The following MDGA2 variants were observed in gnomAD, a reference collection of about 807,000 sequenced individuals.
The protein encoded by MDGA2 is MAM domain-containing glycosylphosphatidylinositol anchor protein 2.
In MDGA2, 40 loss-of-function variants were observed where a neutral mutation model predicts 117.8. That is an observed-to-expected ratio of 0.34 (90% CI 0.26 to 0.44). MDGA2 has a LOEUF of 0.44. Ranked by LOEUF, MDGA2 falls within the 20% of genes least tolerant of loss-of-function variation. The pLI, the probability that MDGA2 is intolerant of heterozygous loss-of-function variation, is 1.00. For synonymous variants in MDGA2, 452 were observed against 439.0 expected (o/e 1.03, Z -0.37); for missense variants, 1,123 against 1,250.6 (o/e 0.90, Z 1.54).
intron 1 of MDGA2, among the ~76,000 whole-genome samples, chr14:47,665,480 G>A (rs532521268): frequency 5.9e-4 from 90 of 152,282 alleles, no homozygotes; most frequent in African/African-American, 1.7e-3. Flanking sequence ...GCCCTTCTCC[G>A]GGCTGGCTGA....
chr14:46,935,263 G>T (rs1884737389), intron 9 of MDGA2, among the ~76,000 whole-genome samples: 1 of 152,014 alleles, frequency 6.6e-6, no homozygotes, highest in Non-Finnish European at 1.5e-5. Flanking sequence ...GTGCACCTTT[G>T]TTACAAATCT....
intron 8 of MDGA2, among the ~76,000 whole-genome samples, chr14:46,993,993 T>C (rs546117787): frequency 1.4e-4 from 21 of 152,198 alleles, no homozygotes; most frequent in African/African-American, 4.8e-4. Context: ...AGAAGAACCA[T>C]CCATGTGATT....
At chr14:47,038,541 A>G (rs1888941329) in intron 7 of MDGA2, among the ~76,000 whole-genome samples, 1 of 152,176 alleles carries the variant, frequency 6.6e-6, no homozygotes, top group South Asian at 2.1e-4. Flanking sequence ...TTACAGAAAT[A>G]TAAACCTCAA....
chr14:47,083,429 T>C (rs1044974468), intron 6 of MDGA2, among the ~76,000 whole-genome samples: 1 of 151,840 alleles, frequency 6.6e-6, no homozygotes, highest in Non-Finnish European at 1.5e-5. Flanking sequence ...GCAATTATAC[T>C]TAGTGAAAGG....
intron 2 of MDGA2, among the ~76,000 whole-genome samples, chr14:47,253,783 C>T (rs1039644678): frequency 1.3e-5 from 2 of 152,260 alleles, no homozygotes; most frequent in Non-Finnish European, 2.9e-5. Context: ...CCACATTTCC[C>T]TTCCACACTG....
chr14:47,075,385 C>T (rs930184725), intron 6 of MDGA2, among the ~76,000 whole-genome samples: 1 of 152,156 alleles, frequency 6.6e-6, no homozygotes, highest in East Asian at 1.9e-4. Flanking sequence ...GATACAACAC[C>T]TGTAAAGCTT....
chr14:47,144,810 G>A (rs4900731), intron 3 of MDGA2, among the ~76,000 whole-genome samples: 44,103 of 118,580 alleles, frequency 0.37, 7,192 homozygotes, highest in South Asian at 0.55. Context: ...TACCATGCCC[G>A]GCTAATTTTT....
intron 1 of MDGA2, among the ~76,000 whole-genome samples, chr14:47,483,381 CACAA>C (rs1210126594): frequency 3.9e-5 from 6 of 152,108 alleles, no homozygotes; most frequent in African/African-American, 1.4e-4. Flanking sequence ...TTCAAAGAGA[CACAA>C]ACAATCATCA....
intron 1 of MDGA2, among the ~76,000 whole-genome samples, chr14:47,468,255 TA>T (rs1736996453): frequency 6.6e-6 from 1 of 152,108 alleles, no homozygotes; most frequent in African/African-American, 2.4e-5. Context: ...TCCGTAATCG[TA>T]AAAAATGTCT....
intron 1 of MDGA2, among the ~76,000 whole-genome samples, chr14:47,328,060 C>T (rs1363439957): frequency 6.6e-6 from 1 of 152,100 alleles, no homozygotes; most frequent in Non-Finnish European, 1.5e-5. Flanking sequence ...TTGTGAGAAA[C>T]AAACAGAAAC....
chr14:47,480,693 C>T (rs1238418266), intron 1 of MDGA2, among the ~76,000 whole-genome samples: 1 of 151,568 alleles, frequency 6.6e-6, no homozygotes, highest in East Asian at 1.9e-4. Context: ...TAAACTTAGT[C>T]CACCAGAAGT....
chr14:47,018,029 A>G (rs914837108), intron 8 of MDGA2, among the ~76,000 whole-genome samples: 36 of 152,148 alleles, frequency 2.4e-4, no homozygotes, highest in African/African-American at 8.2e-4. Context: ...GCACTAGTAC[A>G]TGCAGAAACA....
intron 8 of MDGA2, among the ~76,000 whole-genome samples, chr14:46,987,927 TGGG>T (rs60295575): frequency 1.1e-5 from 1 of 93,576 alleles, no homozygotes; most frequent in Non-Finnish European, 2.2e-5. Flanking sequence ...TATTCTGGGG[TGGG>T]GGGGGGTGCG....
At chr14:47,236,025 T>G (rs17118227) in intron 2 of MDGA2, among the ~76,000 whole-genome samples, 33,482 of 151,940 alleles carry the variant, frequency 0.22, 4,394 homozygotes, top group East Asian at 0.45. Context: ...CAAAAAACAC[T>G]GTGGGGCCTG....
In MDGA2 at chr14:47,207,129, A is replaced by G. The variant is rs538771025; in HGVS notation, c.595+10892T>C. 9.8e-4 allele frequency among the ~76,000 whole-genome samples: 149 copies of G among 152,120 alleles called. 2 individuals carry two copies. Among genetic ancestry groups the G allele is most frequent in the African/African-American group, 3.3e-3 (139 of 41,536 alleles). On this transcript the variant is annotated intron_variant, in intron 3 of 16. Transcript: ENST00000399232. ...GGACATAGTTACAGTAAATAATGAC[A>G]TAAGGTGACCTCTACTCTGTAGGAG... is the stretch of plus-strand genomic sequence containing the variant.
At chr14:47,540,269 T>A (rs1451009031) in intron 1 of MDGA2, among the ~76,000 whole-genome samples, 3 of 152,032 alleles carry the variant, frequency 2.0e-5, no homozygotes, top group African/African-American at 2.4e-5. Context: ...CGCCTCGGCC[T>A]CCCAAAGTGC....
chr14:47,344,459 G>A (rs1012873173), intron 1 of MDGA2, among the ~76,000 whole-genome samples: 2 of 152,092 alleles, frequency 1.3e-5, no homozygotes, highest in Non-Finnish European at 2.9e-5. Context: ...TATTATTAAA[G>A]AATGTGAGCT....
chr14:47,629,549 A>C (rs1282429356), intron 1 of MDGA2, among the ~76,000 whole-genome samples: 1 of 152,190 alleles, frequency 6.6e-6, no homozygotes, highest in East Asian at 1.9e-4. Context: ...TTCAGAGAGT[A>C]AGTACTGGAG....
chr14:47,137,804 A>G (rs1217084659), intron 4 of MDGA2, among the ~76,000 whole-genome samples: 3 of 152,182 alleles, frequency 2.0e-5, no homozygotes, highest in Non-Finnish European at 2.9e-5. Context: ...CCAATGGTTC[A>G]GCTATCATGG....
Sources: allele counts gnomAD v4.1 joint callset (sites outside exome capture counted in the v4.1 genomes callset), GRCh38; gene constraint gnomAD v4.1.1; transcripts MANE v1.5; gene names NCBI Gene and HGNC (gene_info 2026-07-23, HGNC 2026-07-21).